The following ADAMTSL1 variants were observed in gnomAD, a reference collection of about 807,000 sequenced individuals.
ADAMTSL1 encodes ADAMTS like 1.
In ADAMTSL1, 126 loss-of-function variants were observed where a neutral mutation model predicts 201.8. The observed-to-expected ratio is 0.62, with a 90% confidence interval of 0.54 to 0.72. The LOEUF (loss-of-function observed/expected upper bound fraction) is 0.72, where lower values mean the gene tolerates loss of function less well. Among genes scored for constraint, ADAMTSL1 ranks in the 30% least tolerant of loss-of-function variants. The probability of loss-of-function intolerance (pLI) is 0.00; values close to 1 mark genes in which losing one functional copy is unlikely to be tolerated. For missense variants in ADAMTSL1, 2,679 were observed against 2,277.8 expected, an observed-to-expected ratio of 1.18 and a Z score of -3.59; for synonymous variants, 1,121 against 903.4, an observed-to-expected ratio of 1.24 and a Z score of -4.32.
intron 2 of ADAMTSL1, among the ~76,000 whole-genome samples, chr9:18,404,535 T>A (rs1185831296): frequency 6.6e-6 from 1 of 152,228 alleles, no homozygotes; most frequent in Admixed American, 6.5e-5. Flanking sequence ...TCTTGACCTC[T>A]TTCCGAATGG....
At chr9:17,981,181 A>G (rs928846569) in intron 1 of ADAMTSL1, among the ~76,000 whole-genome samples, 22 of 152,208 alleles carry the variant, frequency 1.4e-4, no homozygotes, top group African/African-American at 5.1e-4. Context: ...TGGCCCTCTG[A>G]AAACCAGGAA....
intron 20 of ADAMTSL1, among the ~76,000 whole-genome samples, chr9:18,808,703 A>G (rs1293267336): frequency 1.3e-5 from 2 of 152,212 alleles, no homozygotes; most frequent in Non-Finnish European, 2.9e-5. Context: ...CAACTCTTGT[A>G]TTATAGCAGG....
At chr9:18,541,996 G>A (rs1820180321) in intron 3 of ADAMTSL1, among the ~76,000 whole-genome samples, 1 of 152,182 alleles carries the variant, frequency 6.6e-6, no homozygotes, top group Non-Finnish European at 1.5e-5. Context: ...TCCCCAGAAT[G>A]AAATGTGTCT....
chr9:18,381,971 A>G (rs894058981), intron 2 of ADAMTSL1, among the ~76,000 whole-genome samples: 2 of 152,150 alleles, frequency 1.3e-5, no homozygotes, highest in African/African-American at 4.8e-5. Context: ...CTGTTTCTAG[A>G]CAGGTCAATG....
chr9:18,347,751 C>T (rs1179703554), intron 2 of ADAMTSL1, among the ~76,000 whole-genome samples: 1 of 152,124 alleles, frequency 6.6e-6, no homozygotes, highest in Non-Finnish European at 1.5e-5. Context: ...AGGCTACTGA[C>T]TGGTGAGCAA....
chr9:18,280,871 C>T (rs866000658), intron 2 of ADAMTSL1, among the ~76,000 whole-genome samples: 29 of 122,002 alleles, frequency 2.4e-4, no homozygotes, highest in African/African-American at 6.6e-4. Flanking sequence ...AGCTGCATTC[C>T]GCTTTTTTTT....
chr9:18,220,282 T>C (rs1458163922), intron 2 of ADAMTSL1, among the ~76,000 whole-genome samples: 3 of 152,336 alleles, frequency 2.0e-5, no homozygotes, highest in Non-Finnish European at 2.9e-5. Context: ...TTTAAGCTTA[T>C]GTTTTTAAGT....
intron 1 of ADAMTSL1, among the ~76,000 whole-genome samples, chr9:18,098,210 A>G (rs1241578653): frequency 6.6e-6 from 1 of 152,056 alleles, no homozygotes; most frequent in Non-Finnish European, 1.5e-5. Context: ...GATTAATACA[A>G]CTTTGTAATA....
At chr9:18,544,296 A>G (rs533864340) in intron 3 of ADAMTSL1, among the ~76,000 whole-genome samples, 3 of 152,220 alleles carry the variant, frequency 2.0e-5, no homozygotes, top group Non-Finnish European at 2.9e-5. Flanking sequence ...AGCCCACAGT[A>G]TCACATCAGC....
At chr9:18,882,733 C>G (rs1365090591) in intron 23 of ADAMTSL1, among the ~76,000 whole-genome samples, 1 of 152,120 alleles carries the variant, frequency 6.6e-6, no homozygotes, top group Non-Finnish European at 1.5e-5. Context: ...GTGGCTCACA[C>G]CTGTAATCCC....
chr9:18,890,708 G>A (rs1006896587), intron 25 of ADAMTSL1: 48 of 382,056 alleles, frequency 1.3e-4, no homozygotes, highest in African/African-American at 6.6e-4. Context: ...AGCCTGGCCC[G>A]CTCCTTTCTC....
chr9:18,813,406 G>A (rs1823637367), intron 20 of ADAMTSL1, among the ~76,000 whole-genome samples: 1 of 152,172 alleles, frequency 6.6e-6, no homozygotes, highest in South Asian at 2.1e-4. Context: ...TCTGTAAATT[G>A]CTTTGTACAG....
intron 2 of ADAMTSL1, among the ~76,000 whole-genome samples, chr9:18,176,128 A>G (rs1263887747): frequency 6.6e-6 from 1 of 152,022 alleles, no homozygotes; most frequent in Non-Finnish European, 1.5e-5. Flanking sequence ...TTGTTTCAAG[A>G]ATGTTGTCAA....
chr9:18,635,917 T>A (rs2132772623), intron 5 of ADAMTSL1, 26 bp from the exon 6 acceptor site: 1 of 1,588,548 alleles, frequency 6.3e-7, no homozygotes, highest in East Asian at 2.3e-5. Context: ...GACATGCTTT[T>A]AAGATTTTGC....
chr9:18,082,332 A>AT (rs1385032722), intron 1 of ADAMTSL1, among the ~76,000 whole-genome samples: 2 of 152,070 alleles, frequency 1.3e-5, no homozygotes, highest in Admixed American at 6.6e-5. Flanking sequence ...TTAAACGACC[A>AT]TTTTTTCACT....
intron 2 of ADAMTSL1, among the ~76,000 whole-genome samples, chr9:18,463,446 A>G (rs1028419268): frequency 3.3e-5 from 5 of 152,212 alleles, no homozygotes; most frequent in African/African-American, 7.2e-5. Flanking sequence ...GGCATTAAGT[A>G]TATTCACATT....
At chr9:18,156,979 C>T (rs1277557920) in intron 1 of ADAMTSL1, among the ~76,000 whole-genome samples, 1 of 152,038 alleles carries the variant, frequency 6.6e-6, no homozygotes, top group Non-Finnish European at 1.5e-5. Context: ...TCTTATTTGG[C>T]TGTTTTATCA....
intron 1 of ADAMTSL1, among the ~76,000 whole-genome samples, chr9:18,100,274 G>A (rs1026152475): frequency 6.6e-6 from 1 of 152,040 alleles, no homozygotes; most frequent in South Asian, 2.1e-4. Flanking sequence ...TGTGAAATTC[G>A]TTTACCCAAA....
At chr9:18,104,108 T>G (rs137968890) in intron 1 of ADAMTSL1, among the ~76,000 whole-genome samples, 1 of 152,334 alleles carries the variant, frequency 6.6e-6, no homozygotes, top group East Asian at 1.9e-4. Flanking sequence ...GGGAACTACT[T>G]GTTCAATCTC....
Sources: allele counts gnomAD v4.1 joint callset (sites outside exome capture counted in the v4.1 genomes callset), GRCh38; gene constraint gnomAD v4.1.1; transcripts MANE v1.5; gene names NCBI Gene and HGNC (gene_info 2026-07-23, HGNC 2026-07-21).